The following VWA5B2 variants were observed in gnomAD, a reference collection of about 807,000 sequenced individuals.
The protein encoded by VWA5B2 is von Willebrand factor A domain containing 5B2, also known as von Willebrand factor A domain-containing protein 5B2.
Under a neutral mutation model 118.5 loss-of-function variants are expected in VWA5B2, and 93 were observed. The observed-to-expected ratio is 0.79, with a 90% CI of 0.66 to 0.93. VWA5B2 has a LOEUF of 0.93. VWA5B2 is among the 40% of genes least tolerant of loss of function. The pLI, the probability that VWA5B2 is intolerant of heterozygous loss-of-function variation, is 0.00. For missense variants in VWA5B2, 1,546 were observed against 1,672.8 expected (o/e 0.92, Z 1.32); for synonymous variants, 708 against 716.3 (o/e 0.99, Z 0.19).
chr3:184,237,763 C>A lies in VWA5B2; in HGVS notation c.1719+352C>A, dbSNP rs1718155044. ...CATAGTTCCCTATAGAAAGCACCAG[C>A]CAGCGTATTTTCTGGGACACGCAGT... On this transcript the variant is annotated intron_variant, in intron 12 of 19. Transcript: ENST00000691901. This position sits in a 1 kb window ranked among gnomAD's most constrained non-coding sequence, Gnocchi z 5.6. Among the ~76,000 whole-genome samples, 1 of 152,236 alleles carries A rather than the reference C, an allele frequency of 6.6e-6. No individual in the cohort carries two copies. The highest frequency in any genetic ancestry group is 2.4e-5 in the African/African-American group (1 of 41,460).
At chr3:184,230,260 C>G (rs1717240366) in intron 1 of VWA5B2, among the ~76,000 whole-genome samples, 120 bp from the exon 2 acceptor site, 1 of 152,158 alleles carries the variant, frequency 6.6e-6, no homozygotes, top group Admixed American at 6.5e-5. Flanking sequence ...CTGCTGGGCG[C>G]CGAAGCGCGC....
At position 184,233,646 on chromosome 3, in the gene VWA5B2, C is replaced by T. The variant is rs1261361770; in HGVS notation, c.601C>T (p.Arg201Trp). The stretch of plus-strand genomic sequence containing the variant: ...GGCCTGGGAGGAGCTGGCTGCCCCT[C>T]GGGACGTGTTCTCAGGCCCTGCCCG... ...GLAWEELAAP[R>W]DVFSGPARCP... The change falls in exon 5 of 20, where the codon CGG (arginine) becomes TGG (tryptophan). Residue 201 changes from arginine to tryptophan, a missense_variant. Coordinates refer to ENST00000691901, the MANE Select transcript of VWA5B2 (RefSeq NM_001390846.1). This position sits in a 1 kb window ranked among gnomAD's most constrained non-coding sequence, Gnocchi z 5.2. 16 of 1,551,248 alleles carry T rather than the reference C, an allele frequency of 1.0e-5. No individual in the cohort carries two copies. The highest frequency in any genetic ancestry group is 1.2e-5 in the Non-Finnish European group (14 of 1,146,928).
rs774956871 is a variant in VWA5B2, at chr3:184,233,671, G to A, written c.626G>A (p.Arg209His). 3.1e-5 allele frequency: 48 copies of A among 1,551,094 alleles called. No individual in the cohort carries two copies. The highest frequency in any genetic ancestry group is 5.9e-5 in the South Asian group (5 of 84,044). The change falls in exon 5 of 20, where the codon CGC (arginine) becomes CAC (histidine). Residue 209 changes from arginine to histidine, a missense_variant. Arg to His is a conservative substitution (Grantham distance 29, BLOSUM62 0). Coordinates refer to ENST00000691901, the MANE Select transcript of VWA5B2 (RefSeq NM_001390846.1). This position sits in a 1 kb window ranked among gnomAD's most constrained non-coding sequence, Gnocchi z 5.2. ...CGGGACGTGTTCTCAGGCCCTGCCC[G>A]CTGCCCTGCCCCATATACCTTCTCC... ...APRDVFSGPA[R>H]CPAPYTFSFE...
chr3:184,238,317 C>T lies in VWA5B2; in HGVS notation c.1734C>T (p.Gly578=). ...RSRPPGGQEP[G]WQSSGGSVFP... ...ATTCTCTCTAGGGCCAAGAGCCTGG[C>T]TGGCAGAGCTCGGGTGGGTCCGTGT... Residue 578 remains glycine, a synonymous_variant, in exon 13 of 20, where the codon GGC becomes GGT. Transcript: ENST00000691901. The surrounding 1 kb of genome is among the most constrained non-coding windows in gnomAD (Gnocchi z 5.0). The T allele has an allele frequency of 6.6e-7, 1 of 1,523,982 alleles. No homozygotes were observed. Among genetic ancestry groups the T allele is most frequent in the Non-Finnish European group, 8.8e-7 (1 of 1,131,518 alleles). The allele number at this position is 1,523,982 out of a possible 1,614,324, so 94.4% of individuals were successfully genotyped here.
Position 184,238,998 on chromosome 3 carries a change from C to A in VWA5B2, c.2202+125C>A. 1 of 1,051,016 alleles carries A rather than the reference C, an allele frequency of 9.5e-7. No individual in the cohort carries two copies. 65.1% of individuals were successfully genotyped at this position (1,051,016 alleles called of 1,614,324 possible). A position where few individuals can be genotyped will look rare whatever the true frequency, so the allele number is the denominator to read the frequency against. On this transcript the variant is annotated intron_variant, in intron 14 of 19. Coordinates refer to ENST00000691901, the MANE Select transcript of VWA5B2 (RefSeq NM_001390846.1). The surrounding 1 kb of genome is among the most constrained non-coding windows in gnomAD (Gnocchi z 5.0). Reference sequence around the variant, plus strand: ...CTAGAGAGAAAGGTGGGTAAATCCCCAACGATACCATGTAACAACCAGTGA... The same window carrying A: ...CTAGAGAGAAAGGTGGGTAAATCCCAAACGATACCATGTAACAACCAGTGA...
Position 184,233,561 on chromosome 3 carries a change from C to T in VWA5B2, c.531-15C>T, listed in dbSNP as rs1245617570. On this transcript the variant is annotated splice_polypyrimidine_tract_variant and intron_variant, in intron 4 of 19. Coordinates refer to ENST00000691901, the MANE Select transcript of VWA5B2 (RefSeq NM_001390846.1). The surrounding 1 kb of genome is among the most constrained non-coding windows in gnomAD (Gnocchi z 5.2). ...TTCACAGTGGCCCAGTGACCCTCCTCATGCTCCCTTCCAGCCCCACCAGCT... is the reference window on the plus strand; with the variant it reads ...TTCACAGTGGCCCAGTGACCCTCCTTATGCTCCCTTCCAGCCCCACCAGCT... 11 of 1,548,300 alleles carry T rather than the reference C, an allele frequency of 7.1e-6. No individual in the cohort carries two copies. The South Asian group carries it at 8.4e-5, about 12-fold the overall frequency.
chr3:184,236,837 C>A, intron 11 of VWA5B2, 88 bp downstream of exon 11: 1 of 1,182,428 alleles, frequency 8.5e-7, no homozygotes, highest in Non-Finnish European at 1.2e-6. Flanking sequence ...TCAGGCAGGC[C>A]ATGGGGGCTC....
In VWA5B2 at chr3:184,240,034, G is replaced by C; in HGVS notation, c.2738G>C (p.Arg913Pro). 1 of 1,531,988 alleles carries C rather than the reference G, an allele frequency of 6.5e-7. No individual in the cohort carries two copies. The highest frequency in any genetic ancestry group is 8.8e-7 in the Non-Finnish European group (1 of 1,137,698). 94.9% of individuals were successfully genotyped at this position (1,531,988 alleles called of 1,614,324 possible). A position where few individuals can be genotyped will look rare whatever the true frequency, so the allele number is the denominator to read the frequency against. Residue 913 changes from arginine (R) to proline (P), a missense_variant and splice_region_variant, in exon 16 of 20, where the codon CGG becomes CCG. Physicochemically the swap from Arg to Pro is moderately radical, Grantham distance 103 (BLOSUM62 -2). Transcript: ENST00000691901. ...LRGGAETTAD[R>P]GHARRCWLRA... ...GGAGGGGCAGAGACCACAGCTGACC[G>C]GGGTGAGTTGCTCATGGGTCCAGTC...
chr3:184,232,991 G>A (rs1186498296), intron 3 of VWA5B2, 187 bp from the exon 4 acceptor site: 1 of 605,098 alleles, frequency 1.7e-6, no homozygotes, highest in Non-Finnish European at 2.9e-6. Context: ...TCTGTTCACA[G>A]TTAGTCTGCC....
chr3:184,230,223 C>T (rs1717234242), intron 1 of VWA5B2, among the ~76,000 whole-genome samples, 157 bp from the exon 2 acceptor site: 1 of 152,114 alleles, frequency 6.6e-6, no homozygotes, highest in Non-Finnish European at 1.5e-5. Flanking sequence ...TGTGACCGCC[C>T]CCACCCCCGG....
chr3:184,241,590 C>T lies in VWA5B2; in HGVS notation c.3281C>T (p.Ala1094Val). The T allele has an allele frequency of 6.5e-7, 1 of 1,545,820 alleles. No individual in the cohort carries two copies. The highest frequency in any genetic ancestry group is 2.4e-5 in the East Asian group (1 of 40,916). Residue 1094 changes from alanine to valine, a missense_variant, in exon 20 of 20, where the codon GCC (alanine) becomes GTC (valine). Coordinates refer to ENST00000691901, the MANE Select transcript of VWA5B2 (RefSeq NM_001390846.1). The surrounding 1 kb of genome is among the most constrained non-coding windows in gnomAD (Gnocchi z 5.1). ...CGCCTCTGCCGTGCCTCGCCCTTTG[C>T]CGTGCACCGCGCCAGCCTCAGCCCC... Reference protein sequence around the residue: ...QERLCRASPFAVHRASLSPTS... With the variant: ...QERLCRASPFVVHRASLSPTS...
Position 184,239,495 on chromosome 3 carries a change from C to G in VWA5B2, c.2304C>G (p.Gly768=). 1.3e-6 allele frequency: 2 copies of G among 1,550,042 alleles called. No homozygotes were observed. The highest frequency in any genetic ancestry group is 1.7e-6 in the Non-Finnish European group (2 of 1,146,476). ...SPPGRANQVP[G]RPRKPSLGAI... ...CAGGCCGGGCAAACCAAGTCCCCGG[C>G]CGACCCCGGAAACCCTCTTTGGGTG... The change falls in exon 15 of 20, where the codon GGC becomes GGG. Residue 768 remains glycine (G), a synonymous_variant. Coordinates refer to ENST00000691901, the MANE Select transcript of VWA5B2 (RefSeq NM_001390846.1). This position sits in a 1 kb window ranked among gnomAD's most constrained non-coding sequence, Gnocchi z 5.1.
Position 184,241,455 on chromosome 3 carries a change from C to T in VWA5B2, c.3181-35C>T. 6.4e-7 allele frequency: 1 copy of T among 1,557,958 alleles called. No individual in the cohort carries two copies. Among genetic ancestry groups the T allele is most frequent in the Non-Finnish European group, 8.7e-7 (1 of 1,149,506 alleles). On this transcript the variant is annotated intron_variant, in intron 19 of 19. Transcript: ENST00000691901. This position sits in a 1 kb window ranked among gnomAD's most constrained non-coding sequence, Gnocchi z 5.1. ...GTGCCGCCGGGGCCGGGCGCTGTTT[C>T]AGCTCGCTTCTCCCCCCACCTCCTC...
Position 184,239,991 on chromosome 3 carries a change from G to A in VWA5B2, c.2695G>A (p.Glu899Lys). The A allele has an allele frequency of 6.5e-7, 1 of 1,550,118 alleles. No individual in the cohort carries two copies. Among genetic ancestry groups the A allele is most frequent in the Non-Finnish European group, 8.7e-7 (1 of 1,146,566 alleles). Residue 899 changes from glutamate (E) to lysine (K), a missense_variant, in exon 16 of 20, where the codon GAG (glutamate) becomes AAG (lysine). Glu to Lys is a moderately conservative substitution (Grantham distance 56). This residue lies in a region of VWA5B2 where 763 missense variants were observed against 766.6 expected (regional missense o/e 1.00). Coordinates refer to ENST00000691901, the MANE Select transcript of VWA5B2 (RefSeq NM_001390846.1). This position sits in a 1 kb window ranked among gnomAD's most constrained non-coding sequence, Gnocchi z 5.1. ...LTAASVVRDN[E>K]QLALRGGAET... ...AGCAGCCTCTGTGGTCCGGGACAAT[G>A]AGCAGCTGGCCCTCCGAGGAGGGGC...
intron 6 of VWA5B2, 117 bp downstream of exon 6, chr3:184,234,514 G>A (rs201838212): frequency 2.1e-4 from 327 of 1,525,186 alleles, no homozygotes; most frequent in Non-Finnish European, 2.8e-4. Flanking sequence ...CATCTGTGAG[G>A]GCAGAGCCTG....
At position 184,236,177 on chromosome 3, in the gene VWA5B2, C is replaced by T. The variant is rs1008044680; in HGVS notation, c.1127C>T (p.Ser376Phe). 1.9e-6 allele frequency: 3 copies of T among 1,551,634 alleles called. No individual in the cohort carries two copies. The highest frequency in any genetic ancestry group is 1.7e-6 in the Non-Finnish European group (2 of 1,146,992). Reference sequence around the variant, plus strand: ...GATGCCATTGTTTTGGCTGTGAAGTCCCTCCCGCCCCAGACGCTTATCAAC... The same window carrying T: ...GATGCCATTGTTTTGGCTGTGAAGTTCCTCCCGCCCCAGACGCTTATCAAC... ...HKDAIVLAVKSLPPQTLINLA... is the reference protein window; with the variant it reads ...HKDAIVLAVKFLPPQTLINLA... The change falls in exon 9 of 20, where the codon TCC (serine) becomes TTC (phenylalanine). Residue 376 changes from serine to phenylalanine, a missense_variant. By Grantham distance (155) the Ser-to-Phe change is radical. Around this residue, in one of 3 missense-constraint regions of VWA5B2, gnomAD observed 775 missense variants for 882.3 expected, o/e 0.88. Coordinates refer to ENST00000691901, the MANE Select transcript of VWA5B2 (RefSeq NM_001390846.1).
At chr3:184,234,151 C>T (rs1471196256) in intron 5 of VWA5B2, 115 bp from the exon 6 acceptor site, 6 of 1,298,918 alleles carry the variant, frequency 4.6e-6, no homozygotes, top group East Asian at 2.5e-5. Context: ...CCATCTGACC[C>T]CATATAGATC....
In VWA5B2 at chr3:184,241,843, C is replaced by T. The variant is rs779710504; in HGVS notation, c.3534C>T (p.His1178=). Reference sequence around the variant, plus strand: ...CCGTAGCACTCGCCTGGCTGGAGCACCGATGCGCCGCTGCCTTCGACGAGT... The same window carrying T: ...CCGTAGCACTCGCCTGGCTGGAGCATCGATGCGCCGCTGCCTTCGACGAGT... The part of the protein sequence containing the change: ...ATAVALAWLE[H]RCAAAFDEWE... The change falls in exon 20 of 20, where the codon CAC becomes CAT. Residue 1178 remains histidine (H), a synonymous_variant. Transcript: ENST00000691901. The surrounding 1 kb of genome is among the most constrained non-coding windows in gnomAD (Gnocchi z 5.1). The T allele has an allele frequency of 1.5e-4, 227 of 1,536,500 alleles. No homozygotes were observed. Among genetic ancestry groups the T allele is most frequent in the Non-Finnish European group, 1.2e-4 (134 of 1,142,478 alleles).
Position 184,240,844 on chromosome 3 carries a change from G to A in VWA5B2, c.2794G>A (p.Ala932Thr). Residue 932 changes from alanine (A) to threonine (T), a missense_variant, in exon 17 of 20, where the codon GCC (alanine) becomes ACC (threonine). Around this residue, in one of 3 missense-constraint regions of VWA5B2, gnomAD observed 763 missense variants for 766.6 expected, o/e 1.00. Transcript: ENST00000691901. ...RALQTSKVSS[A>T]PSCFTCPVAV... ...CCTTCAGACAAGTAAGGTCAGCTCT[G>A]CCCCCTCCTGCTTCACTTGCCCTGT... 1 of 1,551,690 alleles carries A rather than the reference G, an allele frequency of 6.4e-7. No individual in the cohort carries two copies. Among genetic ancestry groups the A allele is most frequent in the Non-Finnish European group, 8.7e-7 (1 of 1,146,986 alleles).
Sources: gnomAD v4.1 joint callset for allele counts (sites outside exome capture counted in the v4.1 genomes callset) on GRCh38, gnomAD v4.1.1 for gene constraint, gnomAD v4.1.1 regional missense constraint, Gnocchi (gnomAD v3.1) non-coding constraint, MANE v1.5 for transcripts, NCBI Gene and HGNC (gene_info 2026-07-23, HGNC 2026-07-21) for gene names.